Variants in SERPINA5 observed in about 807,000 individuals in gnomAD.
SERPINA5 encodes the protein serpin family A member 5, also known as plasma serine protease inhibitor.
A neutral mutation model predicts 25.3 loss-of-function variants in SERPINA5; 25 were observed. The ratio of observed to expected loss-of-function variants is 0.99; its 90% CI spans 0.72 to 1.38. The LOEUF is 1.38. Ranked by LOEUF, SERPINA5 falls within the 40% of genes most tolerant of loss-of-function variation. The probability of loss-of-function intolerance (pLI) is 0.00; values close to 1 mark genes in which losing one functional copy is unlikely to be tolerated. For synonymous variants in SERPINA5, 234 were observed against 206.2 expected, an observed-to-expected ratio of 1.14 and a Z score of -1.16; for missense variants, 599 against 509.5, an observed-to-expected ratio of 1.18 and a Z score of -1.69.
At chr14:94,586,236 A>G (rs1885078171) in intron 2 of SERPINA5, among the ~76,000 whole-genome samples, 1 of 152,206 alleles carries the variant, frequency 6.6e-6, no homozygotes, top group Non-Finnish European at 1.5e-5. Context: ...AGAGACAAAG[A>G]TGAGTGCCTC....
At position 94,590,093 on chromosome 14, in the gene SERPINA5, C is replaced by T. The variant is rs147534296; in HGVS notation, c.672C>T (p.Tyr224=). 9.9e-6 allele frequency: 16 copies of T among 1,612,380 alleles called. No individual in the cohort carries two copies. Among genetic ancestry groups the T allele is most frequent in the Middle Eastern group, 1.7e-4 (1 of 6,050 alleles). ...NHKGTQEQDF[Y]VTSETVVRVP... ...AAGGCACCCAAGAGCAAGACTTCTA[C>T]GTGACCTCGGAGACTGTGGTGCGGG... Residue 224 remains tyrosine (Y), a synonymous_variant, in exon 4 of 6, where the codon TAC becomes TAT. Coordinates refer to ENST00000329597, the MANE Select transcript of SERPINA5 (RefSeq NM_000624.6).
chr14:94,582,237 G>C (rs1240559985), intron 2 of SERPINA5: 1 of 152,174 alleles, frequency 6.6e-6, no homozygotes. Context: ...AGGGCTTTTG[G>C]CCAGATATGC....
intron 4 of SERPINA5, chr14:94,590,520 G>T: frequency 1.2e-6 from 1 of 804,528 alleles, no homozygotes; most frequent in Non-Finnish European, 1.9e-6. Flanking sequence ...TTAGGGTGGT[G>T]CCAGAGTGGG....
At chr14:94,584,975 G>C (rs1218476273) in intron 2 of SERPINA5, among the ~76,000 whole-genome samples, 5 of 152,204 alleles carry the variant, frequency 3.3e-5, no homozygotes. Context: ...GTGTCAGTGG[G>C]GGGAAGCCCA....
At chr14:94,585,537 C>G (rs17091116) in intron 2 of SERPINA5, among the ~76,000 whole-genome samples, 45,266 of 152,076 alleles carry the variant, frequency 0.3, 6,972 homozygotes, top group South Asian at 0.34. Context: ...TTCCCACCCA[C>G]CTGTTTGGGG....
In SERPINA5 at chr14:94,592,161, G is replaced by A; in HGVS notation, c.1143G>A (p.Arg381=). The A allele has an allele frequency of 6.2e-7, 1 of 1,614,202 alleles. No individual in the cohort carries two copies. The highest frequency in any genetic ancestry group is 1.1e-5 in the South Asian group (1 of 91,084). Residue 381 remains arginine, a synonymous_variant, in exon 6 of 6, where the codon AGG becomes AGA. Coordinates refer to ENST00000329597, the MANE Select transcript of SERPINA5 (RefSeq NM_000624.6). ...TFRSARLNSQ[R]LVFNRPFLMF... is the part of the protein sequence containing the mutation. Reference sequence around the variant, plus strand: ...GGTCGGCCCGCCTGAACTCTCAGAGGCTAGTGTTCAACAGGCCCTTTCTGA... The same window carrying A: ...GGTCGGCCCGCCTGAACTCTCAGAGACTAGTGTTCAACAGGCCCTTTCTGA...
intron 4 of SERPINA5, 156 bp downstream of exon 4, chr14:94,590,467 G>T (rs1342597937): frequency 5.9e-6 from 6 of 1,017,218 alleles, no homozygotes; most frequent in Non-Finnish European, 8.3e-6. Flanking sequence ...AAGTCCTGGG[G>T]GCCTAGCCCA....
intron 2 of SERPINA5, chr14:94,581,988 G>A (rs1278058549): frequency 6.6e-6 from 1 of 152,240 alleles, no homozygotes; most frequent in Non-Finnish European, 1.5e-5. Context: ...CGGCTGGATA[G>A]GAGGTGCTCA....
rs749881353 is a variant in SERPINA5 at position 94,587,855 on chromosome 14, T to A, written c.493T>A (p.Ser165Thr). ...CACTTTCCCTACCAACTTTAGGGACTCTGCAGGGGCCATGAAGCAGATCAA... is the reference window on the plus strand; with the variant it reads ...CACTTTCCCTACCAACTTTAGGGACACTGCAGGGGCCATGAAGCAGATCAA... ...ADTFPTNFRD[S>T]AGAMKQINDY... Residue 165 changes from serine to threonine, a missense_variant, in exon 3 of 6, where the codon TCT (serine) becomes ACT (threonine). Transcript: ENST00000329597. 6.2e-7 allele frequency: 1 copy of A among 1,613,944 alleles called. No individual in the cohort carries two copies. Among genetic ancestry groups the A allele is most frequent in the Admixed American group, 1.7e-5 (1 of 60,028 alleles).
chr14:94,587,656 C>T lies in SERPINA5; in HGVS notation c.294C>T (p.Asn98=). 3 of 1,614,054 alleles carry T rather than the reference C, an allele frequency of 1.9e-6. No homozygotes were observed. Among genetic ancestry groups the T allele is most frequent in the South Asian group, 1.1e-5 (1 of 91,064 alleles). Residue 98 remains asparagine (N), a synonymous_variant, in exon 3 of 6, where the codon AAC becomes AAT. Transcript: ENST00000329597. ...KMQILEGLGL[N]LQKSSEKELH... Reference sequence around the variant, plus strand: ...AGATCCTGGAGGGCCTGGGCCTCAACCTCCAGAAAAGCTCAGAGAAGGAGC... The same window carrying T: ...AGATCCTGGAGGGCCTGGGCCTCAATCTCCAGAAAAGCTCAGAGAAGGAGC...
Position 94,589,141 on chromosome 14 carries a change from A to G in SERPINA5, c.620-900A>G, listed in dbSNP as rs556531867. Among the ~76,000 whole-genome samples, 3 of 152,332 alleles carry G rather than the reference A, an allele frequency of 2.0e-5. No individual in the cohort carries two copies. The South Asian group carries it at 6.2e-4, about 32-fold the overall frequency. ...CGGTATTGACTGGGGTCTTCCTTCGATAACGATTAAGAAGTTGGAAACAGG... is the reference window on the plus strand; with the variant it reads ...CGGTATTGACTGGGGTCTTCCTTCGGTAACGATTAAGAAGTTGGAAACAGG... On this transcript the variant is annotated intron_variant, in intron 3 of 5. Coordinates refer to ENST00000329597, the MANE Select transcript of SERPINA5 (RefSeq NM_000624.6).
chr14:94,581,918 C>T (rs1358328998), intron 2 of SERPINA5: 2 of 152,150 alleles, frequency 1.3e-5, no homozygotes, highest in African/African-American at 4.8e-5. Flanking sequence ...TCATCCTGTT[C>T]AAAAGGTCAA....
intron 4 of SERPINA5, 165 bp from the exon 5 acceptor site, chr14:94,590,584 T>C: frequency 1.1e-6 from 1 of 887,126 alleles, no homozygotes; most frequent in Non-Finnish European, 1.6e-6. Flanking sequence ...AGGCTCATCC[T>C]AGAAAAGAGG....
intron 2 of SERPINA5, among the ~76,000 whole-genome samples, chr14:94,583,114 A>T (rs1376139211): frequency 6.6e-6 from 1 of 152,242 alleles, no homozygotes; most frequent in Non-Finnish European, 1.5e-5. Flanking sequence ...GCCAGGTCAC[A>T]GCAGCCCTAG....
At chr14:94,587,265 G>A (rs1431619188) in intron 2 of SERPINA5, 81 bp from the exon 3 acceptor site, 2 of 1,249,288 alleles carry the variant, frequency 1.6e-6, no homozygotes, top group Middle Eastern at 2.7e-4. Flanking sequence ...TACCCATTGA[G>A]TGTTGGGTGG....
intron 2 of SERPINA5, chr14:94,586,724 T>A (rs1885097583): frequency 6.6e-6 from 1 of 152,152 alleles, no homozygotes; most frequent in African/African-American, 2.4e-5. Flanking sequence ...GGGGAAGATG[T>A]CTCTCTGTGG....
At chr14:94,584,557 C>A (rs755771344) in intron 2 of SERPINA5, among the ~76,000 whole-genome samples, 2 of 151,430 alleles carry the variant, frequency 1.3e-5, no homozygotes, top group Non-Finnish European at 2.9e-5. Context: ...TGGCAGGGGG[C>A]GGGGTCTTGA....
In SERPINA5 at chr14:94,587,084, G is replaced by A. The variant is rs557804325; in HGVS notation, c.-17-262G>A. On this transcript the variant is annotated intron_variant, in intron 2 of 5. Coordinates refer to ENST00000329597, the MANE Select transcript of SERPINA5 (RefSeq NM_000624.6). ...GTCCCTTGATGTGGATGGGTAGACA[G>A]GATTCCTGCCCTGGCAGCCAGACCC... is the stretch of plus-strand genomic sequence containing the variant. 163 of 427,850 alleles carry A rather than the reference G, an allele frequency of 3.8e-4. 1 individual carries two copies. Among genetic ancestry groups the A allele is most frequent in the Admixed American group, 7.3e-4 (18 of 24,768 alleles). The allele number at this position is 427,850 out of a possible 1,614,324, so 26.5% of individuals were successfully genotyped here.
chr14:94,591,341 CTCCACTCCACTCT>C (rs1460025131), intron 5 of SERPINA5, among the ~76,000 whole-genome samples: 4 of 148,204 alleles, frequency 2.7e-5, no homozygotes, highest in East Asian at 2.1e-4. Flanking sequence ...CATTCCACTC[CTCCACTCCACTCT>C]TCCACTCCAC....
Sources: gnomAD v4.1 joint callset for allele counts (sites outside exome capture counted in the v4.1 genomes callset) on GRCh38, gnomAD v4.1.1 for gene constraint, MANE v1.5 for transcripts, NCBI Gene and HGNC (gene_info 2026-07-23, HGNC 2026-07-21) for gene names.